The following SMARCA2 variants were observed in gnomAD, a reference collection of about 807,000 sequenced individuals.
The protein encoded by SMARCA2 is SWI/SNF related BAF chromatin remodeling complex subunit ATPase 2.
A neutral mutation model predicts 199.8 loss-of-function variants in SMARCA2; 61 were observed. The observed-to-expected ratio is 0.31, with a 90% CI of 0.25 to 0.38. SMARCA2 has a LOEUF of 0.38. Among genes scored for constraint, SMARCA2 ranks in the 10% least tolerant of loss-of-function variants. The pLI, the probability that SMARCA2 is intolerant of heterozygous loss-of-function variation, is 1.00. For missense variants in SMARCA2, 1,344 were observed against 2,012.2 expected (o/e 0.67, Z 6.35); for synonymous variants, 935 against 732.0 (o/e 1.28, Z -4.48).
At chr9:2,054,166 G>A (rs1243708328) in intron 5 of SMARCA2, among the ~76,000 whole-genome samples, 6 of 152,218 alleles carry the variant, frequency 3.9e-5, no homozygotes, top group African/African-American at 1.4e-4. Context: ...AAGACAAATG[G>A]TCTGGTTGCC....
chr9:2,188,418 ATCTATAT>A, intron 32 of SMARCA2, among the ~76,000 whole-genome samples: 1 of 152,244 alleles, frequency 6.6e-6, no homozygotes, highest in Admixed American at 6.5e-5. Flanking sequence ...ATTTTCTATT[ATCTATAT>A]TCTAGTTAGT....
intron 9 of SMARCA2, among the ~76,000 whole-genome samples, chr9:2,061,523 A>C (rs949638056): frequency 6.6e-6 from 1 of 152,198 alleles, no homozygotes; most frequent in Non-Finnish European, 1.5e-5. Context: ...AAAGAGTCCT[A>C]TGTGAAATAT....
chr9:2,160,224 T>G, intron 27 of SMARCA2: 1 of 386,980 alleles, frequency 2.6e-6, no homozygotes, highest in Non-Finnish European at 4.6e-6. Flanking sequence ...TTTTTTTTTT[T>G]TTCCTTTTCC....
At chr9:2,090,124 T>C (rs1821988690) in intron 19 of SMARCA2, among the ~76,000 whole-genome samples, 2 of 152,202 alleles carry the variant, frequency 1.3e-5, no homozygotes, top group Admixed American at 6.5e-5. Context: ...TGATTAATTA[T>C]ATCACAAAGG....
chr9:2,087,620 A>G (rs962421698), intron 18 of SMARCA2, among the ~76,000 whole-genome samples: 5 of 151,402 alleles, frequency 3.3e-5, no homozygotes, highest in Non-Finnish European at 4.4e-5. Context: ...GTAGCCATTT[A>G]TTTTCCAATT....
In SMARCA2 at chr9:2,110,233, T is replaced by G. The variant is rs1051379208; in HGVS notation, c.3293-21T>G. On this transcript the variant is annotated intron_variant, in intron 23 of 33. Coordinates refer to ENST00000349721, the MANE Select transcript of SMARCA2 (RefSeq NM_003070.5). The surrounding 1 kb of genome is among the most constrained non-coding windows in gnomAD (Gnocchi z 4.8). ...TTCAGACAAGAGTTAATTGGCAAAT[T>G]AATTTTTCTGATCCCCTCAGGCACC... 6.4e-7 allele frequency: 1 copy of G among 1,566,312 alleles called. No homozygotes were observed. The highest frequency in any genetic ancestry group is 8.6e-7 in the Non-Finnish European group (1 of 1,159,844).
intron 10 of SMARCA2, among the ~76,000 whole-genome samples, chr9:2,071,370 C>A (rs775444233): frequency 6.6e-6 from 1 of 152,200 alleles, no homozygotes; most frequent in Non-Finnish European, 1.5e-5. Flanking sequence ...GTGTGAGAAA[C>A]TCCGTGGGCT....
rs281875196 is a variant in SMARCA2 at position 2,115,927 on chromosome 9, G to A, written c.3562G>A (p.Ala1188Thr). 6.2e-7 allele frequency: 1 copy of A among 1,614,054 alleles called. No individual in the cohort carries two copies. The highest frequency in any genetic ancestry group is 8.5e-7 in the Non-Finnish European group (1 of 1,179,974). ...CGTGGAGGAAAAGATCCTCGCGGCC[G>A]CAAAATACAAGCTGAACGTGGATCA... ...NSVEEKILAA[A>T]KYKLNVDQKV... is the part of the protein sequence containing the mutation. Residue 1188 changes from alanine (A) to threonine (T), a missense_variant, in exon 25 of 34, where the codon GCA becomes ACA. Physicochemically the swap from Ala to Thr is moderately conservative, Grantham distance 58. Transcript: ENST00000349721. The surrounding 1 kb of genome is among the most constrained non-coding windows in gnomAD (Gnocchi z 6.0).
At chr9:2,044,770 A>G (rs1418176060) in intron 4 of SMARCA2, 1 of 152,218 alleles carries the variant, frequency 6.6e-6, no homozygotes, top group African/African-American at 2.4e-5. Flanking sequence ...TGTTTAGTGC[A>G]CAGCAAGTTG....
At position 2,169,463 on chromosome 9, in the gene SMARCA2, A is replaced by T. The variant is rs1451993322; in HGVS notation, c.4200-956A>T. ...CCTCCCAGCTCTCCTTATATTTCAG[A>T]CATTCCAAAGAATTCTGTGTATTTT... is the stretch of plus-strand genomic sequence containing the variant. On this transcript the variant is annotated intron_variant, in intron 28 of 33. Transcript: ENST00000349721. The surrounding 1 kb of genome is among the most constrained non-coding windows in gnomAD (Gnocchi z 6.5). 6.6e-6 allele frequency among the ~76,000 whole-genome samples: 1 copy of T among 152,028 alleles called. No homozygotes were observed. The highest frequency in any genetic ancestry group is 1.5e-5 in the Non-Finnish European group (1 of 67,998).
intron 27 of SMARCA2, among the ~76,000 whole-genome samples, chr9:2,156,155 A>AT (rs1308394675): frequency 6.6e-6 from 1 of 152,110 alleles, no homozygotes; most frequent in African/African-American, 2.4e-5. Context: ...ATAAATGGGG[A>AT]TTTTCGAAAA....
In SMARCA2 at chr9:2,076,216, G is replaced by A. The variant is rs746060458; in HGVS notation, c.1936-13G>A. The A allele has an allele frequency of 2.1e-6, 3 of 1,441,450 alleles. No individual in the cohort carries two copies. Among genetic ancestry groups the A allele is most frequent in the Middle Eastern group, 1.7e-4 (1 of 5,746 alleles). The allele number at this position is 1,441,450 out of a possible 1,614,324, so 89.3% of individuals were successfully genotyped here. A position where few individuals can be genotyped will look rare whatever the true frequency, so the allele number is the denominator to read the frequency against. The stretch of plus-strand genomic sequence containing the variant: ...AAAATATAATTTCCTCCCTATCTTT[G>A]TTCCTTTTCCAGGATGAGGAAGAAG... On this transcript the variant is annotated splice_polypyrimidine_tract_variant and intron_variant, in intron 12 of 33. Coordinates refer to ENST00000349721, the MANE Select transcript of SMARCA2 (RefSeq NM_003070.5).
Position 2,123,484 on chromosome 9 carries a change from T to G in SMARCA2, c.3763-235T>G, listed in dbSNP as rs1823553997. Reference sequence around the variant, plus strand: ...GAAAAGGAAATTCTTTAAAAGTACTTTTTAAATGTATGAATAAGTTTCAAA... The same window carrying G: ...GAAAAGGAAATTCTTTAAAAGTACTGTTTAAATGTATGAATAAGTTTCAAA... On this transcript the variant is annotated intron_variant, in intron 26 of 33. Transcript: ENST00000349721. The surrounding 1 kb of genome is among the most constrained non-coding windows in gnomAD (Gnocchi z 4.1). Among the ~76,000 whole-genome samples the G allele has an allele frequency of 6.6e-6, 1 of 152,202 alleles. No individual in the cohort carries two copies. The highest frequency in any genetic ancestry group is 2.1e-4 in the South Asian group (1 of 4,828).
chr9:2,186,140 C>A lies in SMARCA2; in HGVS notation c.4506C>A (p.Ala1502=), dbSNP rs1827434860. ...TCTTACAGTCAGTGTTTAAGAGTGC[C>A]CGGCAGAAAATTGCCAAAGAGGAAG... The part of the protein sequence containing the change: ...SIVLQSVFKS[A]RQKIAKEEES... The change falls in exon 32 of 34, where the codon GCC becomes GCA. Residue 1502 remains alanine, a synonymous_variant. Coordinates refer to ENST00000349721, the MANE Select transcript of SMARCA2 (RefSeq NM_003070.5). The A allele has an allele frequency of 1.9e-6, 3 of 1,613,856 alleles. No homozygotes were observed. The highest frequency in any genetic ancestry group is 2.2e-5 in the South Asian group (2 of 91,064).
At position 2,041,675 on chromosome 9, in the gene SMARCA2, A is replaced by C. The variant is rs1201582128; in HGVS notation, c.790+1775A>C. 9 of 334,354 alleles carry C rather than the reference A, an allele frequency of 2.7e-5. No homozygotes were observed. In the South Asian group the frequency reaches 4.7e-4, roughly 17 times the overall value. The allele number at this position is 334,354 out of a possible 1,614,324, so 20.7% of individuals were successfully genotyped here. On this transcript the variant is annotated intron_variant, in intron 4 of 33. Transcript: ENST00000349721. ...TCATCTCCAGAATTTCTGTGTGGCT[A>C]CCATGGAGGCATTTGGTAGGTGGAG...
chr9:2,041,760 T>A (rs1423123539), intron 4 of SMARCA2: 1 of 200,188 alleles, frequency 5.0e-6, no homozygotes. Flanking sequence ...ATGCAGAAAA[T>A]GGCAGTTTGA....
intron 27 of SMARCA2, among the ~76,000 whole-genome samples, chr9:2,138,492 T>G (rs1379013684): frequency 1.3e-5 from 2 of 152,226 alleles, no homozygotes; most frequent in African/African-American, 4.8e-5. Flanking sequence ...TATCTTTCCC[T>G]TGGACCTTTG....
At chr9:2,177,303 G>A (rs1414161997) in intron 29 of SMARCA2, among the ~76,000 whole-genome samples, 1 of 152,190 alleles carries the variant, frequency 6.6e-6, no homozygotes, top group East Asian at 1.9e-4. Flanking sequence ...CCTCAAGTGA[G>A]TATTCTAAAT....
In SMARCA2 at chr9:2,110,375, T is replaced by G. The variant is rs1822943854; in HGVS notation, c.3414T>G (p.Ala1138=). 6.2e-7 allele frequency: 1 copy of G among 1,613,666 alleles called. No individual in the cohort carries two copies. The highest frequency in any genetic ancestry group is 1.1e-5 in the South Asian group (1 of 91,044). ...GCCTGGGCTTAAATCTTCAGGCAGCTGATACAGTGGTCATCTTTGACAGCG... is the reference window on the plus strand; with the variant it reads ...GCCTGGGCTTAAATCTTCAGGCAGCGGATACAGTGGTCATCTTTGACAGCG... ...AGGLGLNLQA[A]DTVVIFDSDW... is the part of the protein sequence containing the mutation. The change falls in exon 24 of 34, where the codon GCT becomes GCG. Residue 1138 remains alanine, a synonymous_variant. Transcript: ENST00000349721. The surrounding 1 kb of genome is among the most constrained non-coding windows in gnomAD (Gnocchi z 4.8).
Sources: allele counts gnomAD v4.1 joint callset (sites outside exome capture counted in the v4.1 genomes callset), GRCh38; gene constraint gnomAD v4.1.1; non-coding constraint Gnocchi (gnomAD v3.1); transcripts MANE v1.5; gene names NCBI Gene and HGNC (gene_info 2026-07-23, HGNC 2026-07-21).